The following DEUP1 variants were observed in gnomAD, a reference collection of about 807,000 sequenced individuals.
DEUP1 encodes the protein coiled-coil domain containing 67.
In DEUP1, 82 loss-of-function variants were observed where a neutral mutation model predicts 87.4. That is an observed-to-expected ratio of 0.94 (90% CI 0.78 to 1.13). The LOEUF is 1.13. DEUP1 is among the 50% of genes most tolerant of loss of function. DEUP1 has a pLI of 0.00. For synonymous variants in DEUP1, 214 were observed against 222.7 expected, an observed-to-expected ratio of 0.96 and a Z score of 0.35; for missense variants, 663 against 681.5, an observed-to-expected ratio of 0.97 and a Z score of 0.30.
At chr11:93,355,153 C>A (rs3019224) in intron 2 of DEUP1, among the ~76,000 whole-genome samples, 151,223 of 152,342 alleles carry the variant, frequency 0.99, 75,064 homozygotes, top group East Asian at 1. Flanking sequence ...CTACTCTAAA[C>A]AATGTTATTT....
At chr11:93,356,568 C>T (rs1043703728) in intron 3 of DEUP1, among the ~76,000 whole-genome samples, 1 of 151,876 alleles carries the variant, frequency 6.6e-6, no homozygotes, top group Non-Finnish European at 1.5e-5. Flanking sequence ...CATAATACCA[C>T]TAAAACAGAG....
intron 12 of DEUP1, among the ~76,000 whole-genome samples, chr11:93,409,027 T>G (rs2134420923): frequency 6.6e-6 from 1 of 152,226 alleles, no homozygotes; most frequent in African/African-American, 2.4e-5. Flanking sequence ...CGGATAATTT[T>G]TGTATTTTTA....
chr11:93,418,025 T>A (rs1324565426), intron 13 of DEUP1, among the ~76,000 whole-genome samples: 2 of 151,822 alleles, frequency 1.3e-5, no homozygotes, highest in Non-Finnish European at 2.9e-5. Flanking sequence ...TATACAAAAA[T>A]CAATTCAAGA....
intron 13 of DEUP1, among the ~76,000 whole-genome samples, chr11:93,419,737 G>C (rs899252691): frequency 5.3e-5 from 8 of 151,780 alleles, no homozygotes. Context: ...ATTACTGTTT[G>C]TGTTTATGTC....
intron 7 of DEUP1, among the ~76,000 whole-genome samples, chr11:93,380,327 C>T (rs2134304256): frequency 1.9e-5 from 1 of 52,234 alleles, no homozygotes; most frequent in East Asian, 9.6e-4. Flanking sequence ...GCATTTGTGA[C>T]TCACATATTT....
In DEUP1 at chr11:93,371,168, T is replaced by C; in HGVS notation, c.677T>C (p.Ile226Thr). 6.2e-7 allele frequency: 1 copy of C among 1,613,268 alleles called. No individual in the cohort carries two copies. The highest frequency in any genetic ancestry group is 1.1e-5 in the South Asian group (1 of 90,928). The change falls in exon 7 of 14, where the codon ATT becomes ACT. Residue 226 changes from isoleucine (I) to threonine (T), a missense_variant. By Grantham distance (89) the Ile-to-Thr change is moderately conservative (BLOSUM62 -1). Coordinates refer to ENST00000298050, the MANE Select transcript of DEUP1 (RefSeq NM_181645.4). ...GAAATCAATGAAAGAGATGAGTTCA[T>C]TATTGAAAAACTGAAATCAGCTGTA... is the stretch of plus-strand genomic sequence containing the variant. ...NCEINERDEF[I>T]IEKLKSAVNE...
intron 2 of DEUP1, 65 bp downstream of exon 2, chr11:93,332,353 C>A: frequency 7.4e-7 from 1 of 1,350,764 alleles, no homozygotes; most frequent in Non-Finnish European, 1.0e-6. Context: ...TTCCTGAGAA[C>A]ACATGAATTT....
chr11:93,427,667 C>T (rs1393067678), intron 13 of DEUP1, among the ~76,000 whole-genome samples: 1 of 151,138 alleles, frequency 6.6e-6, no homozygotes, highest in African/African-American at 2.4e-5. Context: ...GCAAAAGAAA[C>T]TACCATCAGA....
At chr11:93,398,022 T>C (rs573670727) in intron 11 of DEUP1, among the ~76,000 whole-genome samples, 2 of 152,228 alleles carry the variant, frequency 1.3e-5, no homozygotes, top group Non-Finnish European at 2.9e-5. Context: ...CCTCCACTCA[T>C]CTACCCGCAT....
intron 2 of DEUP1, among the ~76,000 whole-genome samples, chr11:93,337,907 A>G (rs1943853424): frequency 1.3e-5 from 2 of 152,124 alleles, no homozygotes; most frequent in South Asian, 4.1e-4. Flanking sequence ...TACAACATAC[A>G]TTTTCTTAAA....
intron 6 of DEUP1, 81 bp from the exon 7 acceptor site, chr11:93,370,957 T>A: frequency 8.0e-7 from 1 of 1,242,784 alleles, no homozygotes; most frequent in Non-Finnish European, 1.1e-6. Context: ...TCCTACTAAT[T>A]CTTTTCTATC....
At chr11:93,356,343 G>C (rs1308118238) in intron 3 of DEUP1, among the ~76,000 whole-genome samples, 1 of 152,100 alleles carries the variant, frequency 6.6e-6, no homozygotes, top group East Asian at 1.9e-4. Flanking sequence ...TTGGCATCTA[G>C]TTTTCCTTCA....
In DEUP1 at chr11:93,408,441, A is replaced by G; in HGVS notation, c.1523+14A>G. 1.4e-6 allele frequency: 2 copies of G among 1,461,410 alleles called. No homozygotes were observed. Among genetic ancestry groups the G allele is most frequent in the Non-Finnish European group, 1.8e-6 (2 of 1,081,330 alleles). The allele number at this position is 1,461,410 out of a possible 1,614,324, so 90.5% of individuals were successfully genotyped here. On this transcript the variant is annotated intron_variant, in intron 12 of 13. Coordinates refer to ENST00000298050, the MANE Select transcript of DEUP1 (RefSeq NM_181645.4). ...AAATGAAGAGAGGTATGCTGGCTCC[A>G]TTATATAAGGGCATAAGTTTAAAAA...
At chr11:93,405,680 T>G (rs979586920) in intron 11 of DEUP1, among the ~76,000 whole-genome samples, 5 of 152,052 alleles carry the variant, frequency 3.3e-5, no homozygotes, top group Admixed American at 3.3e-4. Flanking sequence ...TATGTATTTC[T>G]GCACTTATTT....
At chr11:93,355,152 AC>A (rs1944834697) in intron 2 of DEUP1, among the ~76,000 whole-genome samples, 1 of 152,184 alleles carries the variant, frequency 6.6e-6, no homozygotes, top group African/African-American at 2.4e-5. Flanking sequence ...CCTACTCTAA[AC>A]AATGTTATTT....
chr11:93,404,305 A>G (rs1341601492), intron 11 of DEUP1, among the ~76,000 whole-genome samples: 2 of 152,050 alleles, frequency 1.3e-5, no homozygotes, highest in African/African-American at 4.8e-5. Context: ...TAGGCTTTTT[A>G]ATGCCATATT....
intron 10 of DEUP1, 55 bp from the exon 11 acceptor site, chr11:93,396,184 G>T: frequency 9.1e-7 from 1 of 1,101,388 alleles, no homozygotes. Context: ...AATTTTAATA[G>T]AATTATGAGT....
chr11:93,382,387 A>G (rs1176014039), intron 7 of DEUP1, among the ~76,000 whole-genome samples: 1 of 152,174 alleles, frequency 6.6e-6, no homozygotes, highest in African/African-American at 2.4e-5. Flanking sequence ...TCAAATCATT[A>G]TTACTCATTT....
At chr11:93,427,610 C>T (rs1008223870) in intron 13 of DEUP1, among the ~76,000 whole-genome samples, 2 of 150,310 alleles carry the variant, frequency 1.3e-5, no homozygotes, top group Non-Finnish European at 3.0e-5. Flanking sequence ...GCAACAAAAG[C>T]CAAAATTGAC....
Sources: gnomAD v4.1 joint callset for allele counts (sites outside exome capture counted in the v4.1 genomes callset) on GRCh38, gnomAD v4.1.1 for gene constraint, MANE v1.5 for transcripts, NCBI Gene and HGNC (gene_info 2026-07-23, HGNC 2026-07-21) for gene names.